CDH13: variants seen among roughly 807,000 people sequenced by gnomAD.
CDH13 encodes the protein cadherin-13.
CDH13 carries 24 observed loss-of-function variants against 63.8 expected under a neutral mutation model. The ratio of observed to expected loss-of-function variants is 0.38; its 90% CI spans 0.27 to 0.53. The LOEUF is 0.53. Ranked by LOEUF, CDH13 falls within the 20% of genes least tolerant of loss-of-function variation. CDH13 has a pLI of 0.85. For synonymous variants in CDH13, 503 were observed against 355.3 expected, an observed-to-expected ratio of 1.42 and a Z score of -4.67; for missense variants, 1,049 against 903.1, an observed-to-expected ratio of 1.16 and a Z score of -2.07.
chr16:82,906,688 A>G (rs1022379074), intron 2 of CDH13, among the ~76,000 whole-genome samples: 6 of 152,128 alleles, frequency 3.9e-5, no homozygotes, highest in African/African-American at 1.4e-4. Context: ...TCACAGTTCT[A>G]GTGGTTAGAA....
chr16:83,661,320 C>G (rs1179211448), intron 8 of CDH13, among the ~76,000 whole-genome samples: 2 of 152,002 alleles, frequency 1.3e-5, no homozygotes, highest in Admixed American at 6.6e-5. Flanking sequence ...AACCCTGTCT[C>G]TACACAAAAT....
chr16:82,763,145 T>G (rs757736447), intron 1 of CDH13, among the ~76,000 whole-genome samples: 3 of 152,332 alleles, frequency 2.0e-5, no homozygotes, highest in Non-Finnish European at 4.4e-5. Context: ...CTGCTCTTGC[T>G]GCTTGACCTG....
At chr16:82,781,128 C>T (rs142598820) in intron 1 of CDH13, among the ~76,000 whole-genome samples, 273 of 152,280 alleles carry the variant, frequency 1.8e-3, no homozygotes, top group Non-Finnish European at 3.1e-3. Context: ...CTTGAGGTAT[C>T]ATTTCTGAAG....
At chr16:82,895,511 AC>A (rs2041224095) in intron 2 of CDH13, among the ~76,000 whole-genome samples, 1 of 152,148 alleles carries the variant, frequency 6.6e-6, no homozygotes, top group African/African-American at 2.4e-5. Context: ...TGATGAACCC[AC>A]ATTGACACAC....
chr16:82,915,880 C>G (rs1398484720), intron 2 of CDH13, among the ~76,000 whole-genome samples: 2 of 150,280 alleles, frequency 1.3e-5, no homozygotes, highest in Non-Finnish European at 3.0e-5. Context: ...TGCTATATCA[C>G]AGCCTCTGGA....
chr16:83,625,872 A>G (rs978752615), intron 8 of CDH13, among the ~76,000 whole-genome samples: 8 of 152,202 alleles, frequency 5.3e-5, no homozygotes, highest in African/African-American at 9.6e-5. Context: ...GTAGCCAGAG[A>G]CAAATGCAAG....
At chr16:82,860,399 G>T (rs2039895025) in intron 2 of CDH13, among the ~76,000 whole-genome samples, 1 of 122,502 alleles carries the variant, frequency 8.2e-6, no homozygotes, top group Admixed American at 8.2e-5. Context: ...GGGGGGGGGG[G>T]CGGCGGTGTG....
At chr16:83,115,065 A>G (rs545401613) in intron 3 of CDH13, among the ~76,000 whole-genome samples, 1 of 152,338 alleles carries the variant, frequency 6.6e-6, no homozygotes, top group South Asian at 2.1e-4. Flanking sequence ...AGCTGTGATT[A>G]TCTAGTTATA....
At chr16:82,649,421 A>C (rs16957983) in intron 1 of CDH13, among the ~76,000 whole-genome samples, 33,797 of 152,018 alleles carry the variant, frequency 0.22, 5,141 homozygotes, top group African/African-American at 0.44. Flanking sequence ...TTCAAGAAGG[A>C]AGTGGCAGAT....
intron 5 of CDH13, among the ~76,000 whole-genome samples, chr16:83,270,863 C>A (rs1167911563): frequency 6.6e-6 from 1 of 151,872 alleles, no homozygotes; most frequent in South Asian, 2.1e-4. Flanking sequence ...TCCTCACTCT[C>A]TTCTTTCCTG....
intron 2 of CDH13, among the ~76,000 whole-genome samples, chr16:82,966,332 G>A (rs1907818873): frequency 7.9e-6 from 1 of 126,884 alleles, no homozygotes; most frequent in African/African-American, 2.6e-5. Context: ...TGTATTTTTA[G>A]TAGAGATGGG....
chr16:83,166,491 T>C (rs554113389), intron 4 of CDH13, among the ~76,000 whole-genome samples: 9 of 152,222 alleles, frequency 5.9e-5, no homozygotes, highest in Non-Finnish European at 1.0e-4. Context: ...CAAGATCAGA[T>C]TTTTATCGTC....
At chr16:83,269,854 A>T (rs1249675183) in intron 5 of CDH13, among the ~76,000 whole-genome samples, 1 of 152,162 alleles carries the variant, frequency 6.6e-6, no homozygotes, top group Non-Finnish European at 1.5e-5. Flanking sequence ...TTTGGGGATG[A>T]TCTCATCTGA....
intron 5 of CDH13, among the ~76,000 whole-genome samples, chr16:83,336,300 C>CAAAAAAAAAA (rs376325733): frequency 2.2e-4 from 11 of 48,996 alleles, no homozygotes; most frequent in African/African-American, 7.6e-4. Context: ...GACTCCATCT[C>CAAAAAAAAAA]AAAAAAAAAA....
At chr16:82,642,265 GTTAGAC>G (rs1909505755) in intron 1 of CDH13, among the ~76,000 whole-genome samples, 2 of 152,234 alleles carry the variant, frequency 1.3e-5, no homozygotes, top group African/African-American at 4.8e-5. Context: ...TAACTCAGAG[GTTAGAC>G]TATAAGGTCA....
At chr16:83,111,250 T>TA (rs200790540) in intron 3 of CDH13, among the ~76,000 whole-genome samples, 5,182 of 151,548 alleles carry the variant, frequency 0.034, 100 homozygotes, top group East Asian at 0.053. Context: ...AGGAGTAGAG[T>TA]AAAAAAAATC....
At chr16:83,383,077 C>T (rs921758171) in intron 6 of CDH13, 2 of 152,312 alleles carry the variant, frequency 1.3e-5, no homozygotes, top group African/African-American at 4.8e-5. Flanking sequence ...TGGAGCATTT[C>T]CTCAGTCTTT....
rs561588741 is a variant in CDH13 at position 82,662,139 on chromosome 16, T to C, written c.45+35002T>C. Among the ~76,000 whole-genome samples, 6 of 150,290 alleles carry C rather than the reference T, an allele frequency of 4.0e-5. 1 individual carries two copies. The South Asian group carries it at 1.2e-3, about 31-fold the overall frequency. On this transcript the variant is annotated intron_variant, in intron 1 of 13. Coordinates refer to ENST00000567109, the MANE Select transcript of CDH13 (RefSeq NM_001257.5). ...AGTATTCTCCATATTCTCAATGAAG[T>C]AAATGCAGATATTCTGGCATAGAAA...
intron 8 of CDH13, among the ~76,000 whole-genome samples, chr16:83,621,379 G>T (rs1426816480): frequency 6.7e-6 from 1 of 149,834 alleles, no homozygotes; most frequent in Non-Finnish European, 1.5e-5. Flanking sequence ...CCAAGGGTTT[G>T]CTGAAGCAGC....
Sources: allele counts gnomAD v4.1 joint callset (sites outside exome capture counted in the v4.1 genomes callset), GRCh38; gene constraint gnomAD v4.1.1; transcripts MANE v1.5; gene names NCBI Gene and HGNC (gene_info 2026-07-23, HGNC 2026-07-21).